The following PCSK5 variants were observed in gnomAD, a reference collection of about 807,000 sequenced individuals.
The protein encoded by PCSK5 is proprotein convertase subtilisin/kexin type 5.
PCSK5 carries 129 observed loss-of-function variants against 233.2 expected under a neutral mutation model. The observed-to-expected ratio is 0.55, with a 90% CI of 0.48 to 0.64. The LOEUF (loss-of-function observed/expected upper bound fraction) is 0.64, where lower values mean the gene tolerates loss of function less well. Among genes scored for constraint, PCSK5 ranks in the 30% least tolerant of loss-of-function variants. The pLI is 0.00. For missense variants in PCSK5, 2,076 were observed against 2,430.1 expected (o/e 0.85, Z 3.06); for synonymous variants, 825 against 879.2 (o/e 0.94, Z 1.09).
intron 20 of PCSK5, chr9:76,193,409 A>AAAAC: frequency 2.6e-4 from 236 of 893,954 alleles, no homozygotes; most frequent in East Asian, 4.6e-4. Flanking sequence ...CATATTATTA[A>AAAAC]AAAGAAAAAA....
At chr9:75,923,121 G>C (rs1442434738) in intron 1 of PCSK5, among the ~76,000 whole-genome samples, 3 of 152,150 alleles carry the variant, frequency 2.0e-5, no homozygotes, top group Non-Finnish European at 4.4e-5. Context: ...AAGGTGTTGT[G>C]CCTGGAAAAA....
intron 2 of PCSK5, among the ~76,000 whole-genome samples, chr9:75,940,917 C>A (rs994301700): frequency 1.3e-5 from 2 of 152,158 alleles, no homozygotes; most frequent in African/African-American, 2.4e-5. Flanking sequence ...AGTTAAAGAA[C>A]CTTATTTAGT....
intron 24 of PCSK5, among the ~76,000 whole-genome samples, chr9:76,243,194 G>A (rs565928199): frequency 2.8e-4 from 42 of 152,296 alleles, no homozygotes; most frequent in East Asian, 7.7e-4. Context: ...TGATTTACTT[G>A]ATTTACTTTA....
chr9:76,304,287 C>T (rs574521878), intron 28 of PCSK5, among the ~76,000 whole-genome samples: 23 of 152,290 alleles, frequency 1.5e-4, no homozygotes, highest in South Asian at 4.2e-4. Flanking sequence ...TGCATCTATC[C>T]GCATATCTGT....
chr9:75,944,926 A>G (rs993780368), intron 2 of PCSK5, among the ~76,000 whole-genome samples: 2 of 152,058 alleles, frequency 1.3e-5, no homozygotes, highest in Non-Finnish European at 2.9e-5. Context: ...CCTGACCAAC[A>G]TGGAGAAACA....
At chr9:76,344,402 T>C (rs1436814385) in intron 35 of PCSK5, among the ~76,000 whole-genome samples, 1 of 152,164 alleles carries the variant, frequency 6.6e-6, no homozygotes, top group Non-Finnish European at 1.5e-5. Context: ...ATATCATGGT[T>C]CCCAGTCTGT....
intron 9 of PCSK5, among the ~76,000 whole-genome samples, chr9:76,124,745 CAAAAAAAA>C (rs58659276): frequency 1.1e-5 from 1 of 92,144 alleles, no homozygotes; most frequent in African/African-American, 4.4e-5. Flanking sequence ...GACTCCATCT[CAAAAAAAA>C]AAAAAAAAAA....
chr9:76,224,307 A>G (rs1270290745), intron 20 of PCSK5, among the ~76,000 whole-genome samples: 2 of 152,234 alleles, frequency 1.3e-5, no homozygotes, highest in African/African-American at 4.8e-5. Context: ...AAAGAAGATT[A>G]TAACAGTAGA....
intron 10 of PCSK5, among the ~76,000 whole-genome samples, chr9:76,145,856 G>C (rs932854745): frequency 6.6e-6 from 1 of 152,184 alleles, no homozygotes. Context: ...TGGTGCCAAT[G>C]TCTGTAATAT....
intron 20 of PCSK5, among the ~76,000 whole-genome samples, chr9:76,225,656 T>C (rs1305875007): frequency 2.0e-5 from 3 of 152,156 alleles, no homozygotes; most frequent in Non-Finnish European, 4.4e-5. Flanking sequence ...TGAATAAATA[T>C]AAAGAAGGCT....
chr9:76,086,775 C>A (rs912115826), intron 7 of PCSK5, among the ~76,000 whole-genome samples: 1 of 152,170 alleles, frequency 6.6e-6, no homozygotes, highest in African/African-American at 2.4e-5. Flanking sequence ...TAGCCTCTAA[C>A]TGGCTCTGGT....
chr9:76,105,278 T>C (rs924841382), intron 8 of PCSK5, among the ~76,000 whole-genome samples: 1 of 152,210 alleles, frequency 6.6e-6, no homozygotes, highest in Non-Finnish European at 1.5e-5. Flanking sequence ...ATAATCCTGT[T>C]TTGAGAAGAC....
chr9:76,314,925 C>G (rs935939521), intron 30 of PCSK5, among the ~76,000 whole-genome samples: 2 of 151,594 alleles, frequency 1.3e-5, no homozygotes, highest in African/African-American at 2.4e-5. Flanking sequence ...CAGGCATGAG[C>G]CGCCACGCTA....
At chr9:76,016,854 C>T (rs904248418) in intron 3 of PCSK5, among the ~76,000 whole-genome samples, 3 of 152,092 alleles carry the variant, frequency 2.0e-5, no homozygotes, top group African/African-American at 7.3e-5. Context: ...GCTTTGATTT[C>T]TTAACCCTCA....
intron 20 of PCSK5, among the ~76,000 whole-genome samples, chr9:76,191,085 G>GT: frequency 5.4e-5 from 1 of 18,356 alleles, no homozygotes; most frequent in East Asian, 0.071. Context: ...AACTTACGCT[G>GT]AAGCGACCTA....
Position 76,302,234 on chromosome 9 carries a change from G to A in PCSK5, c.3604+17G>A, listed in dbSNP as rs776285719. 1.2e-5 allele frequency: 15 copies of A among 1,215,524 alleles called. No homozygotes were observed. In the Admixed American group the frequency reaches 2.7e-4, roughly 22 times the overall value. 75.3% of individuals were successfully genotyped at this position (1,215,524 alleles called of 1,614,324 possible). A position where few individuals can be genotyped will look rare whatever the true frequency, so the allele number is the denominator to read the frequency against. On this transcript the variant is annotated intron_variant, in intron 28 of 37. Coordinates refer to ENST00000674117, the MANE Select transcript of PCSK5 (RefSeq NM_001372043.1). ...TCAAAAGAGGTAACAGGGAAATAGG[G>A]AGGCAACAATCACAGCAGCAGAGAC...
At chr9:76,078,253 T>C (rs1830706964) in intron 7 of PCSK5, among the ~76,000 whole-genome samples, 3 of 152,182 alleles carry the variant, frequency 2.0e-5, no homozygotes, top group Non-Finnish European at 4.4e-5. Flanking sequence ...GATAATTTCT[T>C]TTGCTGTGCA....
intron 2 of PCSK5, among the ~76,000 whole-genome samples, chr9:75,985,069 C>T (rs190786984): frequency 6.6e-6 from 1 of 152,296 alleles, no homozygotes; most frequent in African/African-American, 2.4e-5. Context: ...TAGAACAAAA[C>T]ATTCCAGAGC....
intron 5 of PCSK5, among the ~76,000 whole-genome samples, chr9:76,048,258 G>A (rs1829494163): frequency 6.6e-6 from 1 of 152,140 alleles, no homozygotes; most frequent in African/African-American, 2.4e-5. Context: ...ATAAAGTCAT[G>A]GCACTGAAAA....
Sources: allele counts gnomAD v4.1 joint callset (sites outside exome capture counted in the v4.1 genomes callset), GRCh38; gene constraint gnomAD v4.1.1; transcripts MANE v1.5; gene names NCBI Gene and HGNC (gene_info 2026-07-23, HGNC 2026-07-21).